Variants in PCDHA8 observed in about 807,000 individuals in gnomAD.
The protein encoded by PCDHA8 is protocadherin alpha-8.
PCDHA8 carries 53 observed loss-of-function variants against 61.8 expected under a neutral mutation model. That is an observed-to-expected ratio of 0.86 (90% confidence interval 0.69 to 1.08). The LOEUF (loss-of-function observed/expected upper bound fraction) is 1.08. Ranked by LOEUF, PCDHA8 falls within the 50% of genes least tolerant of loss-of-function variation. The pLI, the probability that PCDHA8 is intolerant of heterozygous loss-of-function variation, is 0.00. For missense variants in PCDHA8, 1,293 were observed against 1,245.0 expected (o/e 1.04, Z -0.58); for synonymous variants, 618 against 556.6 (o/e 1.11, Z -1.55).
chr5:140,877,949 A>G (rs1554170233), intron 1 of PCDHA8: 1 of 1,348,792 alleles, frequency 7.4e-7, no homozygotes, highest in East Asian at 2.6e-5. Flanking sequence ...AAACTATCGA[A>G]TGTCTCATCT....
At chr5:140,926,471 T>G in intron 1 of PCDHA8, 1 of 162,332 alleles carries the variant, frequency 6.2e-6, no homozygotes, top group Non-Finnish European at 1.3e-5. Context: ...GAAAACACCG[T>G]TTAAGGAGAG....
At chr5:140,969,775 G>A (rs879968185) in intron 1 of PCDHA8, among the ~76,000 whole-genome samples, 9 of 152,174 alleles carry the variant, frequency 5.9e-5, no homozygotes, top group Admixed American at 5.9e-4. Flanking sequence ...GCCTCTAGGG[G>A]CTATCATAGT....
intron 1 of PCDHA8, chr5:140,855,964 T>A: frequency 7.1e-7 from 1 of 1,408,442 alleles, no homozygotes; most frequent in Non-Finnish European, 9.6e-7. Context: ...AAAAAATAGA[T>A]ATAAGAAATA....
chr5:140,931,319 T>A (rs1237988294), intron 1 of PCDHA8, among the ~76,000 whole-genome samples: 3 of 152,086 alleles, frequency 2.0e-5, no homozygotes, highest in Non-Finnish European at 4.4e-5. Flanking sequence ...ATACCAGTAA[T>A]GGCTGTAAAG....
At position 140,982,438 on chromosome 5, in the gene PCDHA8, T is replaced by C. The variant is rs782761318; in HGVS notation, c.2454-37T>C. On this transcript the variant is annotated intron_variant, in intron 2 of 3. Coordinates refer to ENST00000531613, the MANE Select transcript of PCDHA8 (RefSeq NM_018911.3). ...GGAAGAAGAGATGGGAAAGAATTTA[T>C]GATCTAACCGTTATCTGGGTCTGTG... is the stretch of plus-strand genomic sequence containing the variant. The C allele has an allele frequency of 3.1e-6, 5 of 1,611,448 alleles. No individual in the cohort carries two copies. The South Asian group carries it at 5.5e-5, about 18-fold the overall frequency.
intron 1 of PCDHA8, chr5:140,856,597 C>T: frequency 6.3e-7 from 1 of 1,597,412 alleles, no homozygotes; most frequent in East Asian, 2.2e-5. Context: ...ATATTATAAA[C>T]AAAAAAGACA....
intron 1 of PCDHA8, among the ~76,000 whole-genome samples, chr5:140,963,325 C>T (rs1156299692): frequency 2.0e-5 from 3 of 152,156 alleles, no homozygotes; most frequent in Non-Finnish European, 4.4e-5. Flanking sequence ...ATTAGAATTA[C>T]ACAGATAAAT....
intron 3 of PCDHA8, among the ~76,000 whole-genome samples, chr5:141,000,512 CCTT>C (rs1340468179): frequency 2.1e-5 from 3 of 144,282 alleles, no homozygotes; most frequent in Non-Finnish European, 4.5e-5. Context: ...ACTGCAACCT[CCTT>C]CTCCAGGGTT....
In PCDHA8 at chr5:140,843,060, T is replaced by C; in HGVS notation, c.1739T>C (p.Leu580Pro). 2 of 1,595,188 alleles carry C rather than the reference T, an allele frequency of 1.3e-6. No individual in the cohort carries two copies. Among genetic ancestry groups the C allele is most frequent in the Non-Finnish European group, 1.7e-6 (2 of 1,165,234 alleles). The change falls in exon 1 of 4, where the codon CTG becomes CCG. Residue 580 changes from leucine to proline, a missense_variant. Physicochemically the swap from Leu to Pro is moderately conservative, Grantham distance 98. Transcript: ENST00000531613. ...VGGTGGAASKLVPRSVGAGHV... is the reference protein window; with the variant it reads ...VGGTGGAASKPVPRSVGAGHV... Reference sequence around the variant, plus strand: ...GGCACTGGTGGCGCAGCGAGCAAGCTGGTGCCGCGGTCTGTGGGCGCGGGC... The same window carrying C: ...GGCACTGGTGGCGCAGCGAGCAAGCCGGTGCCGCGGTCTGTGGGCGCGGGC...
chr5:140,894,670 C>T (rs971891585), intron 1 of PCDHA8, among the ~76,000 whole-genome samples: 2 of 151,580 alleles, frequency 1.3e-5, no homozygotes, highest in African/African-American at 4.8e-5. Flanking sequence ...TTTGTGTATT[C>T]TTGCATAGCT....
rs1368694746 is a variant in PCDHA8, at chr5:140,870,609, G to T, written c.2394+26894G>T. ...TGGAGCGGCGGTTGGGCGACCGCGC[G>T]CTGTCGAGCTACGTGTCGGTGCACG... On this transcript the variant is annotated intron_variant, in intron 1 of 3. Coordinates refer to ENST00000531613, the MANE Select transcript of PCDHA8 (RefSeq NM_018911.3). The T allele has an allele frequency of 5.0e-6, 8 of 1,613,114 alleles. No homozygotes were observed. In the East Asian group the frequency reaches 1.8e-4, roughly 36 times the overall value.
At chr5:140,847,770 T>C (rs2150403735) in intron 1 of PCDHA8, 3 of 149,954 alleles carry the variant, frequency 2.0e-5, no homozygotes, top group African/African-American at 7.3e-5. Context: ...TTAAAGTCAA[T>C]TCTCGCTTTT....
At chr5:140,844,885 T>C (rs1288231752) in intron 1 of PCDHA8, among the ~76,000 whole-genome samples, 1 of 149,522 alleles carries the variant, frequency 6.7e-6, no homozygotes, top group Non-Finnish European at 1.5e-5. Flanking sequence ...TTAGACTTCG[T>C]GCATATTGCT....
intron 3 of PCDHA8, among the ~76,000 whole-genome samples, chr5:141,005,634 G>A (rs782404455): frequency 4.8e-5 from 7 of 146,670 alleles, no homozygotes; most frequent in Middle Eastern, 3.6e-3. Flanking sequence ...CCCGGGAGGC[G>A]GAGCTTGCAG....
chr5:140,871,877 G>A (rs1554165902), intron 1 of PCDHA8, among the ~76,000 whole-genome samples: 2 of 152,144 alleles, frequency 1.3e-5, no homozygotes, highest in African/African-American at 4.8e-5. Flanking sequence ...ATTTAAATTT[G>A]CTCCTCTTTG....
intron 3 of PCDHA8, among the ~76,000 whole-genome samples, chr5:140,985,188 C>T (rs1186148399): frequency 6.6e-6 from 1 of 152,192 alleles, no homozygotes; most frequent in African/African-American, 2.4e-5. Context: ...CCGCCTGCCT[C>T]GGTCTCCCAA....
chr5:140,848,408 A>G, intron 1 of PCDHA8: 1 of 1,352,390 alleles, frequency 7.4e-7, no homozygotes, highest in East Asian at 2.3e-5. Context: ...ACGATGGCGA[A>G]CACAGCAGAA....
chr5:140,943,057 G>A (rs907618778), intron 1 of PCDHA8, among the ~76,000 whole-genome samples: 2 of 151,996 alleles, frequency 1.3e-5, no homozygotes, highest in African/African-American at 4.8e-5. Context: ...AGGAGTTCAA[G>A]AACAGCCTGA....
At chr5:140,955,233 T>A (rs1554221819) in intron 1 of PCDHA8, among the ~76,000 whole-genome samples, 1 of 152,198 alleles carries the variant, frequency 6.6e-6, no homozygotes, top group African/African-American at 2.4e-5. Flanking sequence ...TTTGTTCTTT[T>A]GCTTAGGATC....
Sources: allele counts gnomAD v4.1 joint callset (sites outside exome capture counted in the v4.1 genomes callset), GRCh38; gene constraint gnomAD v4.1.1; transcripts MANE v1.5; gene names NCBI Gene and HGNC (gene_info 2026-07-23, HGNC 2026-07-21).